TPRG1: variants seen among roughly 807,000 people sequenced by gnomAD.
The protein encoded by TPRG1 is tumor protein p63-regulated gene 1 protein.
TPRG1 carries 29 observed loss-of-function variants against 29.3 expected under a neutral mutation model. That is an observed-to-expected ratio of 0.99 (90% CI 0.74 to 1.35). TPRG1 has a LOEUF of 1.35. Among genes scored for constraint, TPRG1 ranks in the 40% most tolerant of loss-of-function variants. The probability of loss-of-function intolerance (pLI) is 0.00; values close to 1 mark genes in which losing one functional copy is unlikely to be tolerated. For synonymous variants in TPRG1, 130 were observed against 116.8 expected (o/e 1.11, Z -0.73); for missense variants, 327 against 335.0 (o/e 0.98, Z 0.19).
chr3:189,118,952 A>G (rs546961368), intron 1 of TPRG1, among the ~76,000 whole-genome samples: 4 of 152,308 alleles, frequency 2.6e-5, no homozygotes, highest in Admixed American at 1.3e-4. Flanking sequence ...AGCTGTGAGA[A>G]GAAGGCCACC....
chr3:189,048,414 A>G (rs1362491199), intron 4 of TPRG1, among the ~76,000 whole-genome samples: 1 of 152,220 alleles, frequency 6.6e-6, no homozygotes, highest in African/African-American at 2.4e-5. Context: ...GATTTATCAT[A>G]ATACTTAAGG....
chr3:189,089,124 C>G (rs183806381), intron 4 of TPRG1, among the ~76,000 whole-genome samples: 4 of 152,068 alleles, frequency 2.6e-5, no homozygotes, highest in African/African-American at 9.7e-5. Context: ...ACAGGACTAA[C>G]AGTCTATAGT....
intron 3 of TPRG1, among the ~76,000 whole-genome samples, chr3:189,134,424 T>A (rs1328095796): frequency 6.8e-6 from 1 of 147,436 alleles, no homozygotes; most frequent in Admixed American, 6.7e-5. Flanking sequence ...TTTTTTTTTT[T>A]TTTTTTGAGA....
intron 4 of TPRG1, among the ~76,000 whole-genome samples, chr3:189,294,265 C>T (rs1719501453): frequency 7.4e-6 from 1 of 135,020 alleles, no homozygotes. Flanking sequence ...GATACCATGT[C>T]ACCTCTGCAG....
intron 4 of TPRG1, among the ~76,000 whole-genome samples, chr3:189,049,386 T>C (rs911842686): frequency 2.0e-5 from 3 of 152,008 alleles, no homozygotes; most frequent in Non-Finnish European, 4.4e-5. Flanking sequence ...TTCCCCCACT[T>C]TCCTGACGAC....
At chr3:189,164,258 G>T (rs1727864335) in intron 5 of TPRG1, among the ~76,000 whole-genome samples, 1 of 152,064 alleles carries the variant, frequency 6.6e-6, no homozygotes, top group African/African-American at 2.4e-5. Context: ...CACCTTACAG[G>T]TTCAAGCGAT....
chr3:189,014,376 T>G (rs1712812412), intron 3 of TPRG1, among the ~76,000 whole-genome samples: 2 of 152,204 alleles, frequency 1.3e-5, no homozygotes, highest in Admixed American at 1.3e-4. Flanking sequence ...CTGAAAGGCC[T>G]ACTGTTAGTC....
chr3:189,235,962 C>T (rs1008161351), intron 3 of TPRG1, among the ~76,000 whole-genome samples: 1 of 152,152 alleles, frequency 6.6e-6, no homozygotes, highest in African/African-American at 2.4e-5. Context: ...TGTACAAACA[C>T]AATATATCTT....
At chr3:189,008,566 A>G (rs1712432092) in intron 3 of TPRG1, among the ~76,000 whole-genome samples, 1 of 152,210 alleles carries the variant, frequency 6.6e-6, no homozygotes, top group Non-Finnish European at 1.5e-5. Flanking sequence ...TACTGAGTGT[A>G]TAAATGAGAA....
At chr3:189,039,421 A>T (rs1213794095) in intron 4 of TPRG1, among the ~76,000 whole-genome samples, 1 of 152,154 alleles carries the variant, frequency 6.6e-6, no homozygotes, top group African/African-American at 2.4e-5. Context: ...ATGATGTTAG[A>T]AATTGAAAGG....
chr3:189,094,006 G>A (rs552391950), intron 4 of TPRG1, among the ~76,000 whole-genome samples: 3 of 152,050 alleles, frequency 2.0e-5, no homozygotes, highest in Admixed American at 6.5e-5. Flanking sequence ...TTAATAAATT[G>A]TTCATTTTTC....
chr3:189,078,722 G>A (rs143501132), intron 4 of TPRG1, among the ~76,000 whole-genome samples: 1 of 152,100 alleles, frequency 6.6e-6, no homozygotes, highest in African/African-American at 2.4e-5. Flanking sequence ...CTGAATTCAG[G>A]CAGACTTATG....
chr3:189,016,152 C>T (rs987227631), intron 3 of TPRG1, among the ~76,000 whole-genome samples: 7 of 152,108 alleles, frequency 4.6e-5, no homozygotes, highest in African/African-American at 1.7e-4. Flanking sequence ...CCTTGGGAAC[C>T]CATCCCTGGC....
At chr3:189,092,753 G>A (rs1199843058) in intron 4 of TPRG1, among the ~76,000 whole-genome samples, 4 of 152,114 alleles carry the variant, frequency 2.6e-5, no homozygotes, top group Non-Finnish European at 4.4e-5. Context: ...TCATAAGCTA[G>A]GGGAGAGCGC....
intron 4 of TPRG1, among the ~76,000 whole-genome samples, chr3:189,063,744 T>G (rs903642931): frequency 8.5e-5 from 13 of 152,162 alleles, no homozygotes; most frequent in African/African-American, 2.7e-4. Flanking sequence ...TCAAAACATA[T>G]GGGATGCATC....
rs9851974 is a variant in TPRG1 at position 189,321,822 on chromosome 3, T to C, written c.*1002T>C. 15,224 of 152,204 alleles carry C rather than the reference T, an allele frequency of 0.1. 975 individuals carry two copies. The highest frequency in any genetic ancestry group is 0.31 in the East Asian group (1,577 of 5,162). 9.4% of individuals were successfully genotyped at this position (152,204 alleles called of 1,614,324 possible). ...AGGTTCAATGCGGTTGGAGTGAAGATGAGAATGCCACAGGCATCTTTCTTT... is the reference window on the plus strand; with the variant it reads ...AGGTTCAATGCGGTTGGAGTGAAGACGAGAATGCCACAGGCATCTTTCTTT... On this transcript the variant is annotated 3_prime_UTR_variant, in exon 6 of 6. Transcript: ENST00000345063.
intron 1 of TPRG1, chr3:189,190,932 A>G (rs959379458): frequency 8.1e-6 from 8 of 985,162 alleles, no homozygotes; most frequent in South Asian, 4.7e-5. Flanking sequence ...TCCCTTTGCA[A>G]TGAGCCGGCT....
intron 4 of TPRG1, among the ~76,000 whole-genome samples, chr3:189,074,178 T>A (rs1716974050): frequency 6.6e-6 from 1 of 151,458 alleles, no homozygotes; most frequent in East Asian, 1.9e-4. Context: ...GAGTTTTTTT[T>A]AATTCTGAGG....
intron 1 of TPRG1, among the ~76,000 whole-genome samples, chr3:189,104,824 C>T (rs770650126): frequency 2.9e-4 from 44 of 152,126 alleles, no homozygotes; most frequent in Non-Finnish European, 5.0e-4. Context: ...ATGCCTTCCT[C>T]TGCCCTGTTA....
Sources: gnomAD v4.1 joint callset for allele counts (sites outside exome capture counted in the v4.1 genomes callset) on GRCh38, gnomAD v4.1.1 for gene constraint, MANE v1.5 for transcripts, NCBI Gene and HGNC (gene_info 2026-07-23, HGNC 2026-07-21) for gene names.